ANK3: variants seen among roughly 807,000 people sequenced by gnomAD.
The protein encoded by ANK3 is ankyrin-3.
A neutral mutation model predicts 370.9 loss-of-function variants in ANK3; 57 were observed. The ratio of observed to expected loss-of-function variants is 0.15; its 90% CI spans 0.12 to 0.19. The LOEUF is 0.19. ANK3 is among the 10% of genes least tolerant of loss of function. The pLI, the probability that ANK3 is intolerant of heterozygous loss-of-function variation, is 1.00. For synonymous variants in ANK3, 1,929 were observed against 1,946.3 expected (o/e 0.99, Z 0.23); for missense variants, 4,439 against 5,302.1 (o/e 0.84, Z 5.06).
chr10:60,556,046 T>C (rs184455570), intron 2 of ANK3, among the ~76,000 whole-genome samples: 5 of 152,358 alleles, frequency 3.3e-5, no homozygotes, highest in Admixed American at 6.5e-5. Context: ...TTGTCAGTCA[T>C]AGCCCACCTG....
At chr10:60,141,562 T>TG (rs1491335217) in intron 23 of ANK3, among the ~76,000 whole-genome samples, 1,289 of 18,814 alleles carry the variant, frequency 0.069, 21 homozygotes, top group South Asian at 0.24. Flanking sequence ...TCAATTGCTG[T>TG]TTTTTTTTTT....
chr10:60,365,308 A>AT (rs1365269902), intron 1 of ANK3, among the ~76,000 whole-genome samples: 1 of 152,144 alleles, frequency 6.6e-6, no homozygotes, highest in Admixed American at 6.5e-5. Context: ...ATAGATCCCC[A>AT]TGCTTTGAAG....
At chr10:60,569,627 C>T (rs182530837) in intron 2 of ANK3, among the ~76,000 whole-genome samples, 206 of 152,210 alleles carry the variant, frequency 1.4e-3, no homozygotes, top group African/African-American at 4.7e-3. Context: ...AAATACTATG[C>T]GCTAACAGAG....
intron 7 of ANK3, among the ~76,000 whole-genome samples, chr10:60,256,022 A>T (rs2097729851): frequency 6.6e-6 from 1 of 152,180 alleles, no homozygotes; most frequent in Non-Finnish European, 1.5e-5. Flanking sequence ...GGGTCACCAG[A>T]CGAACTCCAA....
intron 2 of ANK3, among the ~76,000 whole-genome samples, chr10:60,409,029 C>T (rs1011030249): frequency 6.6e-6 from 1 of 152,266 alleles, no homozygotes; most frequent in Non-Finnish European, 1.5e-5. Flanking sequence ...AAGCAGGCAG[C>T]GATGTCAATA....
chr10:60,458,362 T>C (rs2064801824), intron 2 of ANK3, among the ~76,000 whole-genome samples: 1 of 152,092 alleles, frequency 6.6e-6, no homozygotes, highest in Non-Finnish European at 1.5e-5. Flanking sequence ...CATTCCAACA[T>C]CTCTTAGGGA....
chr10:60,534,609 A>C (rs2076681762), intron 2 of ANK3, among the ~76,000 whole-genome samples: 1 of 152,084 alleles, frequency 6.6e-6, no homozygotes, highest in Non-Finnish European at 1.5e-5. Context: ...CAACAACCTA[A>C]ATTTCCTCCA....
chr10:60,634,555 A>G (rs553415866), intron 1 of ANK3, among the ~76,000 whole-genome samples: 1 of 152,242 alleles, frequency 6.6e-6, no homozygotes, highest in South Asian at 2.1e-4. Context: ...TCTCTGTAAA[A>G]TGGACCGATC....
At position 60,442,373 on chromosome 10, in the gene ANK3, G is replaced by C. The variant is rs2064321761; in HGVS notation, c.97-162734C>G. Among the ~76,000 whole-genome samples, 5 of 152,078 alleles carry C rather than the reference G, an allele frequency of 3.3e-5. No individual in the cohort carries two copies. In the South Asian group the frequency reaches 1.0e-3, roughly 32 times the overall value. The stretch of plus-strand genomic sequence containing the variant: ...GGCCTCCCAAATTGCTGGGATTACA[G>C]GCATGAGCCACCACGCTGGACAATC... On this transcript the variant is annotated intron_variant, in intron 2 of 43. Transcript: ENST00000373827.
chr10:60,217,325 C>G (rs1038999177), intron 8 of ANK3, among the ~76,000 whole-genome samples: 27 of 151,962 alleles, frequency 1.8e-4, no homozygotes, highest in Non-Finnish European at 3.5e-4. Flanking sequence ...GTTCTTGTCT[C>G]TCTAGCTCTT....
chr10:60,437,918 G>T (rs1217683214), intron 2 of ANK3, among the ~76,000 whole-genome samples: 1 of 152,158 alleles, frequency 6.6e-6, no homozygotes, highest in Admixed American at 6.5e-5. Flanking sequence ...ACCATCATGA[G>T]TTGGCTCAGA....
intron 1 of ANK3, among the ~76,000 whole-genome samples, chr10:60,303,064 G>A (rs1182572047): frequency 2.0e-5 from 3 of 152,090 alleles, no homozygotes; most frequent in African/African-American, 7.2e-5. Flanking sequence ...AACTCAAAAT[G>A]GATTACAGGC....
intron 2 of ANK3, among the ~76,000 whole-genome samples, chr10:60,445,361 G>T (rs910602638): frequency 1.3e-5 from 2 of 152,204 alleles, no homozygotes; most frequent in East Asian, 3.9e-4. Context: ...CTGCACTCCA[G>T]CTTGGGCAAA....
intron 21 of ANK3, 50 bp from the exon 22 acceptor site, chr10:60,166,946 A>T: frequency 6.9e-7 from 1 of 1,454,422 alleles, no homozygotes; most frequent in Non-Finnish European, 9.6e-7. Flanking sequence ...GTACATTTTA[A>T]TGGGTCTTTT....
intron 32 of ANK3, 60 bp from the exon 33 acceptor site, chr10:60,083,677 T>C (rs943937856): frequency 1.4e-6 from 2 of 1,432,342 alleles, no homozygotes; most frequent in Middle Eastern, 4.7e-4. Flanking sequence ...TATTTTGAGA[T>C]TTTATGTCAC....
At chr10:60,521,229 A>G (rs1333143602) in intron 2 of ANK3, among the ~76,000 whole-genome samples, 1 of 152,092 alleles carries the variant, frequency 6.6e-6, no homozygotes. Context: ...AATCTGCCTT[A>G]TGAGTCAAGT....
intron 2 of ANK3, among the ~76,000 whole-genome samples, chr10:60,486,356 A>G (rs2075347313): frequency 6.6e-6 from 1 of 152,174 alleles, no homozygotes; most frequent in African/African-American, 2.4e-5. Flanking sequence ...AGGTGGGTGG[A>G]TCACTTGAGG....
At chr10:60,197,338 T>C (rs756268276) in intron 14 of ANK3, among the ~76,000 whole-genome samples, 3 of 152,204 alleles carry the variant, frequency 2.0e-5, no homozygotes, top group Non-Finnish European at 2.9e-5. Context: ...TTCCAACTCC[T>C]ACAAGAATCT....
At chr10:60,296,534 G>T (rs1164928831) in intron 1 of ANK3, among the ~76,000 whole-genome samples, 1 of 152,134 alleles carries the variant, frequency 6.6e-6, no homozygotes, top group Non-Finnish European at 1.5e-5. Context: ...ATAGTCTCTT[G>T]TTAGGACTAA....
Sources: gnomAD v4.1 joint callset for allele counts (sites outside exome capture counted in the v4.1 genomes callset) on GRCh38, gnomAD v4.1.1 for gene constraint, MANE v1.5 for transcripts, NCBI Gene and HGNC (gene_info 2026-07-23, HGNC 2026-07-21) for gene names.